The following CCDC170 variants were observed in gnomAD, a reference collection of about 807,000 sequenced individuals.
CCDC170 encodes coiled-coil domain containing 170.
A neutral mutation model predicts 72.6 loss-of-function variants in CCDC170; 69 were observed. The ratio of observed to expected loss-of-function variants is 0.95; its 90% confidence interval spans 0.78 to 1.16. CCDC170 has a LOEUF of 1.16. Among genes scored for constraint, CCDC170 ranks in the 50% most tolerant of loss-of-function variants. CCDC170 has a pLI of 0.00. For missense variants in CCDC170, 852 were observed against 832.5 expected, an observed-to-expected ratio of 1.02 and a Z score of -0.29; for synonymous variants, 300 against 303.9, an observed-to-expected ratio of 0.99 and a Z score of 0.13.
At chr6:151,517,434 C>CTTTT (rs377256935) in intron 1 of CCDC170, among the ~76,000 whole-genome samples, 5 of 139,388 alleles carry the variant, frequency 3.6e-5, no homozygotes, top group South Asian at 2.3e-4. Context: ...TCTTCTTCTT[C>CTTTT]TTTTTTTTTT....
intron 1 of CCDC170, among the ~76,000 whole-genome samples, chr6:151,521,179 C>A (rs890493176): frequency 6.6e-5 from 10 of 152,162 alleles, no homozygotes; most frequent in Non-Finnish European, 1.0e-4. Flanking sequence ...CCTCCTGTTA[C>A]TCTCTTTATT....
At chr6:151,502,897 C>T (rs755458042) in intron 1 of CCDC170, among the ~76,000 whole-genome samples, 1 of 152,102 alleles carries the variant, frequency 6.6e-6, no homozygotes, top group Non-Finnish European at 1.5e-5. Context: ...CGGCCAGGTG[C>T]GGTGGCTCAC....
In CCDC170 at chr6:151,512,380, G is replaced by A. The variant is rs528918079; in HGVS notation, c.57+18195G>A. 1.3e-4 allele frequency among the ~76,000 whole-genome samples: 20 copies of A among 151,620 alleles called. 1 individual carries two copies. The highest frequency in any genetic ancestry group is 3.9e-4 in the East Asian group (2 of 5,146). On this transcript the variant is annotated intron_variant, in intron 1 of 10. Transcript: ENST00000239374. Reference sequence around the variant, plus strand: ...TCACCATGTTGGCCAGCCTGGTCTCGAACTCCTGACCTCTAGTGATCCACG... The same window carrying A: ...TCACCATGTTGGCCAGCCTGGTCTCAAACTCCTGACCTCTAGTGATCCACG...
Position 151,548,442 on chromosome 6 carries a change from C to A in CCDC170, c.727C>A (p.Gln243Lys). The A allele has an allele frequency of 6.2e-7, 1 of 1,608,790 alleles. No homozygotes were observed. Among genetic ancestry groups the A allele is most frequent in the Non-Finnish European group, 8.5e-7 (1 of 1,177,926 alleles). Residue 243 changes from glutamine (Q) to lysine (K), a missense_variant, in exon 5 of 11, where the codon CAG (glutamine) becomes AAG (lysine). Physicochemically the swap from Gln to Lys is moderately conservative, Grantham distance 53 (BLOSUM62 1). Coordinates refer to ENST00000239374, the MANE Select transcript of CCDC170 (RefSeq NM_025059.4). The stretch of plus-strand genomic sequence containing the variant: ...GCTGGCTTCAGAAGTCAACAGAGAG[C>A]AGAAAAAAGCTGCCTCCTGTACTGA... ...MRLASEVNRE[Q>K]KKAASCTEEK...
intron 5 of CCDC170, among the ~76,000 whole-genome samples, chr6:151,549,597 A>G (rs1423732351): frequency 2.0e-5 from 3 of 152,044 alleles, no homozygotes; most frequent in African/African-American, 7.2e-5. Context: ...CTTTCTTTAA[A>G]AAATTTATTT....
chr6:151,508,035 A>G (rs1782089735), intron 1 of CCDC170, among the ~76,000 whole-genome samples: 1 of 152,212 alleles, frequency 6.6e-6, no homozygotes, highest in African/African-American at 2.4e-5. Flanking sequence ...TCCTCTTCCT[A>G]TAGGTTGATA....
Position 151,617,956 on chromosome 6 carries a change from T to C in CCDC170, c.1957T>C (p.Phe653Leu). 1 of 1,613,452 alleles carries C rather than the reference T, an allele frequency of 6.2e-7. No individual in the cohort carries two copies. The highest frequency in any genetic ancestry group is 8.5e-7 in the Non-Finnish European group (1 of 1,179,530). Residue 653 changes from phenylalanine (F) to leucine (L), a missense_variant, in exon 11 of 11, where the codon TTC becomes CTC. Physicochemically the swap from Phe to Leu is conservative, Grantham distance 22 (BLOSUM62 0). Transcript: ENST00000239374. ...AEKREKQLAD[F>L]REVVSQMLGL... Reference sequence around the variant, plus strand: ...CTGTTTGATATTGCAGCTGGCAGACTTCAGGGAGGTGGTGTCGCAGATGCT... The same window carrying C: ...CTGTTTGATATTGCAGCTGGCAGACCTCAGGGAGGTGGTGTCGCAGATGCT...
chr6:151,510,578 G>C (rs1353038507), intron 1 of CCDC170, among the ~76,000 whole-genome samples: 2 of 152,106 alleles, frequency 1.3e-5, no homozygotes, highest in Non-Finnish European at 2.9e-5. Flanking sequence ...TTGCAAAGGA[G>C]GTGATGAGGA....
At position 151,533,646 on chromosome 6, in the gene CCDC170, A is replaced by G. The variant is rs371642885; in HGVS notation, c.58-2672A>G. 5.1e-4 allele frequency among the ~76,000 whole-genome samples: 72 copies of G among 141,760 alleles called. No individual in the cohort carries two copies. In the South Asian group the frequency reaches 0.015, roughly 29 times the overall value. 93.0% of individuals were successfully genotyped at this position (141,760 alleles called of 152,430 possible). A position where few individuals can be genotyped will look rare whatever the true frequency, so the allele number is the denominator to read the frequency against. ...TGTGCCATTGCACTCTAGCCTGGGC[A>G]ACAAGAGCGAAACTCCATCTCAAAA... is the stretch of plus-strand genomic sequence containing the variant. On this transcript the variant is annotated intron_variant, in intron 1 of 10. Transcript: ENST00000239374.
At chr6:151,499,386 G>T (rs377687588) in intron 1 of CCDC170, among the ~76,000 whole-genome samples, 4 of 110,998 alleles carry the variant, frequency 3.6e-5, no homozygotes, top group African/African-American at 4.0e-5. Context: ...AGTGGAATCA[G>T]ACTGTATTTG....
In CCDC170 at chr6:151,571,587, C is replaced by A. The variant is rs186362614; in HGVS notation, c.775-1587C>A. Among the ~76,000 whole-genome samples the A allele has an allele frequency of 2.5e-3, 379 of 152,136 alleles. 4 individuals carry two copies. Among genetic ancestry groups the A allele is most frequent in the African/African-American group, 8.7e-3 (363 of 41,510 alleles). The stretch of plus-strand genomic sequence containing the variant: ...TACTAAAAATACAAAATTAGCTGGG[C>A]GTGGTGGCACTTGCCTGTAATCCCA... On this transcript the variant is annotated intron_variant, in intron 5 of 10. Coordinates refer to ENST00000239374, the MANE Select transcript of CCDC170 (RefSeq NM_025059.4).
intron 5 of CCDC170, among the ~76,000 whole-genome samples, chr6:151,550,386 A>G (rs1782859355): frequency 6.6e-6 from 1 of 152,192 alleles, no homozygotes; most frequent in South Asian, 2.1e-4. Context: ...GTGCAGGAGA[A>G]GGAGTTGCCT....
intron 9 of CCDC170, among the ~76,000 whole-genome samples, chr6:151,602,169 C>T (rs563134680): frequency 2.9e-4 from 44 of 152,196 alleles, no homozygotes; most frequent in African/African-American, 1.0e-3. Flanking sequence ...GAATTCTAGA[C>T]CAAGAAAAAG....
At chr6:151,527,259 G>A (rs960399209) in intron 1 of CCDC170, among the ~76,000 whole-genome samples, 4 of 151,988 alleles carry the variant, frequency 2.6e-5, no homozygotes, top group African/African-American at 9.7e-5. Context: ...GGAAAATAAT[G>A]TAAAAACAAT....
chr6:151,516,289 G>A (rs1331668085), intron 1 of CCDC170, among the ~76,000 whole-genome samples: 1 of 152,050 alleles, frequency 6.6e-6, no homozygotes, highest in Non-Finnish European at 1.5e-5. Flanking sequence ...AAGTATGTTG[G>A]GCCTCCATTT....
At position 151,505,689 on chromosome 6, in the gene CCDC170, A is replaced by G. The variant is rs558857329; in HGVS notation, c.57+11504A>G. Among the ~76,000 whole-genome samples, 3 of 152,274 alleles carry G rather than the reference A, an allele frequency of 2.0e-5. No homozygotes were observed. In the South Asian group the frequency reaches 6.2e-4, roughly 32 times the overall value. ...ACAAAGCGAGACTCCGTCTCAAAAA[A>G]AAAAAGCAAGGATTCTTGTGCTGTG... is the stretch of plus-strand genomic sequence containing the variant. On this transcript the variant is annotated intron_variant, in intron 1 of 10. Coordinates refer to ENST00000239374, the MANE Select transcript of CCDC170 (RefSeq NM_025059.4).
At position 151,544,590 on chromosome 6, in the gene CCDC170, TGAG is replaced by T. The variant is rs1232346318; in HGVS notation, c.466_468del (p.Glu156del). 6.2e-7 allele frequency: 1 copy of T among 1,612,180 alleles called. No individual in the cohort carries two copies. On this transcript the variant is annotated inframe_deletion, in exon 4 of 11. Coordinates refer to ENST00000239374, the MANE Select transcript of CCDC170 (RefSeq NM_025059.4). ...CTAACAGAAAGTGTTCAAAAGAAAA[TGAG>T]GAGAATAAGAAACAAGTTTCAAAGA...
At chr6:151,543,093 T>A (rs1782715792) in intron 3 of CCDC170, among the ~76,000 whole-genome samples, 1 of 152,184 alleles carries the variant, frequency 6.6e-6, no homozygotes, top group African/African-American at 2.4e-5. Flanking sequence ...CTTGGATATT[T>A]AAAAAATGAC....
intron 1 of CCDC170, among the ~76,000 whole-genome samples, chr6:151,524,230 C>T (rs1782368548): frequency 6.6e-6 from 1 of 152,158 alleles, no homozygotes; most frequent in Non-Finnish European, 1.5e-5. Flanking sequence ...CTGGGCAAGC[C>T]CCCCTGTGCA....
Sources: allele counts gnomAD v4.1 joint callset (sites outside exome capture counted in the v4.1 genomes callset), GRCh38; gene constraint gnomAD v4.1.1; transcripts MANE v1.5; gene names NCBI Gene and HGNC (gene_info 2026-07-23, HGNC 2026-07-21).